The following FHIT variants were observed in gnomAD, a reference collection of about 807,000 sequenced individuals.
The protein encoded by FHIT is fragile histidine triad diadenosine triphosphatase, also known as bis(5'-adenosyl)-triphosphatase.
FHIT carries 19 observed loss-of-function variants against 17.9 expected under a neutral mutation model. The observed-to-expected ratio is 1.06, with a 90% confidence interval of 0.74 to 1.56. The LOEUF is 1.56. FHIT is among the 40% of genes most tolerant of loss of function. The pLI, the probability that FHIT is intolerant of heterozygous loss-of-function variation, is 0.00. For synonymous variants in FHIT, 81 were observed against 69.7 expected (o/e 1.16, Z -0.81); for missense variants, 248 against 189.2 (o/e 1.31, Z -1.82).
chr3:61,210,338 G>C (rs2039419398), intron 1 of FHIT, among the ~76,000 whole-genome samples: 1 of 152,208 alleles, frequency 6.6e-6, no homozygotes, highest in South Asian at 2.1e-4. Context: ...AAAGCTGTCA[G>C]ACAGGGACAT....
At position 60,521,219 on chromosome 3, in the gene FHIT, C is replaced by A. The variant is rs556877899; in HGVS notation, c.103+15641G>T. Among the ~76,000 whole-genome samples the A allele has an allele frequency of 2.0e-5, 3 of 151,086 alleles. No homozygotes were observed. In the South Asian group the frequency reaches 6.4e-4, roughly 32 times the overall value. ...ATGCTCTTGATCAACCTTAAGGCATCAGGATAATGGACAATAAAAAAAAAA... is the reference window on the plus strand; with the variant it reads ...ATGCTCTTGATCAACCTTAAGGCATAAGGATAATGGACAATAAAAAAAAAA... On this transcript the variant is annotated intron_variant, in intron 5 of 9. Coordinates refer to ENST00000492590, the MANE Select transcript of FHIT (RefSeq NM_002012.4).
At chr3:60,670,214 A>G (rs1200298875) in intron 4 of FHIT, among the ~76,000 whole-genome samples, 1 of 152,224 alleles carries the variant, frequency 6.6e-6, no homozygotes, top group East Asian at 1.9e-4. Context: ...TAACATTAGC[A>G]TATGGTGTAG....
intron 3 of FHIT, among the ~76,000 whole-genome samples, chr3:61,014,642 T>C (rs2031979137): frequency 6.6e-6 from 1 of 150,910 alleles, no homozygotes; most frequent in Non-Finnish European, 1.5e-5. Context: ...TAGCCAGGCG[T>C]GGTGGTGGGC....
intron 4 of FHIT, among the ~76,000 whole-genome samples, chr3:60,677,671 T>A (rs770987864): frequency 2.0e-5 from 3 of 152,192 alleles, no homozygotes; most frequent in Non-Finnish European, 4.4e-5. Context: ...TATACACTTA[T>A]ATACACACAC....
chr3:60,701,049 T>C (rs2041233380), intron 4 of FHIT, among the ~76,000 whole-genome samples: 2 of 152,102 alleles, frequency 1.3e-5, no homozygotes, highest in East Asian at 1.9e-4. Context: ...ATTTACAACT[T>C]ACTGATGAAA....
At chr3:60,512,475 A>T (rs1213903014) in intron 5 of FHIT, among the ~76,000 whole-genome samples, 1 of 152,208 alleles carries the variant, frequency 6.6e-6, no homozygotes, top group Non-Finnish European at 1.5e-5. Flanking sequence ...ACTGAACTCG[A>T]CCAGCATAGT....
chr3:60,384,913 C>G (rs925288017), intron 5 of FHIT, among the ~76,000 whole-genome samples: 1 of 151,632 alleles, frequency 6.6e-6, no homozygotes, highest in Non-Finnish European at 1.5e-5. Context: ...ACGTTCAATG[C>G]CTTCCCTTTC....
At chr3:60,385,673 A>T (rs549742174) in intron 5 of FHIT, among the ~76,000 whole-genome samples, 2 of 152,294 alleles carry the variant, frequency 1.3e-5, no homozygotes, top group East Asian at 3.9e-4. Flanking sequence ...TTGATCTCCC[A>T]GGCTCAAAGG....
chr3:60,579,327 T>C (rs1326179045), intron 4 of FHIT, among the ~76,000 whole-genome samples: 1 of 152,174 alleles, frequency 6.6e-6, no homozygotes, highest in East Asian at 1.9e-4. Flanking sequence ...GTAACACAAG[T>C]ATATTTGTGT....
chr3:60,400,536 CT>C (rs1477644810), intron 5 of FHIT, among the ~76,000 whole-genome samples: 2 of 152,052 alleles, frequency 1.3e-5, no homozygotes, highest in Non-Finnish European at 2.9e-5. Flanking sequence ...AGCACTGGGG[CT>C]TGTAGGGATA....
At chr3:61,155,085 T>C (rs1026588810) in intron 2 of FHIT, among the ~76,000 whole-genome samples, 1 of 152,210 alleles carries the variant, frequency 6.6e-6, no homozygotes, top group Admixed American at 6.5e-5. Flanking sequence ...AGTAAGAGAA[T>C]CTCATGCCTC....
Position 60,261,334 on chromosome 3 carries a change from T to C in FHIT, c.104-247182A>G, listed in dbSNP as rs138757651. Reference sequence around the variant, plus strand: ...AAAAGAAAAACAAAAGACATATATATCATATTACATCCTACCTAAGATGGT... The same window carrying C: ...AAAAGAAAAACAAAAGACATATATACCATATTACATCCTACCTAAGATGGT... On this transcript the variant is annotated intron_variant, in intron 5 of 9. Transcript: ENST00000492590. 2.2e-3 allele frequency among the ~76,000 whole-genome samples: 330 copies of C among 152,052 alleles called. 2 individuals are homozygous for C. The highest frequency in any genetic ancestry group is 3.8e-3 in the Admixed American group (58 of 15,250).
chr3:60,491,464 A>T (rs2034064003), intron 5 of FHIT, among the ~76,000 whole-genome samples: 1 of 152,162 alleles, frequency 6.6e-6, no homozygotes, highest in African/African-American at 2.4e-5. Context: ...AACTACCTAG[A>T]AACAGTCCAT....
chr3:60,775,460 T>C (rs1310405864), intron 4 of FHIT, among the ~76,000 whole-genome samples: 2 of 152,106 alleles, frequency 1.3e-5, no homozygotes, highest in African/African-American at 4.8e-5. Flanking sequence ...AAGTGCTCTA[T>C]CAGGGACTCA....
chr3:59,818,755 G>A (rs929258947), intron 8 of FHIT, among the ~76,000 whole-genome samples: 2 of 152,206 alleles, frequency 1.3e-5, no homozygotes, highest in African/African-American at 4.8e-5. Flanking sequence ...ACAGGGTGCG[G>A]TCACTTCTGC....
intron 2 of FHIT, among the ~76,000 whole-genome samples, chr3:61,155,958 A>C (rs1234188531): frequency 1.3e-5 from 2 of 152,138 alleles, no homozygotes; most frequent in Admixed American, 1.3e-4. Context: ...GGAGTCTAAA[A>C]TGTTGGTATG....
rs1576659062 is a variant in FHIT at position 60,441,704 on chromosome 3, A to ATATATATATATATATATTTGTATT, written c.103+95155_103+95156insAATACAAATATATATATATATATA. Among the ~76,000 whole-genome samples, 35 of 26,898 alleles carry ATATATATATATATATATTTGTATT rather than the reference A, an allele frequency of 1.3e-3. 1 individual carries two copies. The East Asian group carries it at 0.028, about 22-fold the overall frequency. 17.6% of individuals were successfully genotyped at this position (26,898 alleles called of 152,430 possible). A position where few individuals can be genotyped will look rare whatever the true frequency, so the allele number is the denominator to read the frequency against. ...ATATTTGATGCATCTGTAGGTATTT[A>ATATATATATATATATATTTGTATT]TATATATATATATATATATTTGTAT... On this transcript the variant is annotated intron_variant, in intron 5 of 9. Transcript: ENST00000492590.
At chr3:60,328,014 T>C (rs1211559521) in intron 5 of FHIT, among the ~76,000 whole-genome samples, 1 of 152,114 alleles carries the variant, frequency 6.6e-6, no homozygotes, top group African/African-American at 2.4e-5. Flanking sequence ...GGACTATCAA[T>C]GTCAAATGTA....
intron 5 of FHIT, among the ~76,000 whole-genome samples, chr3:60,525,580 C>G (rs1239848580): frequency 6.6e-6 from 1 of 152,182 alleles, no homozygotes; most frequent in African/African-American, 2.4e-5. Context: ...CTTTCTGGCT[C>G]TTTAATAATA....
Sources: allele counts gnomAD v4.1 joint callset (sites outside exome capture counted in the v4.1 genomes callset), GRCh38; gene constraint gnomAD v4.1.1; transcripts MANE v1.5; gene names NCBI Gene and HGNC (gene_info 2026-07-23, HGNC 2026-07-21).